NNT: variants seen among roughly 807,000 people sequenced by gnomAD.
The protein encoded by NNT is nicotinamide nucleotide transhydrogenase.
In NNT, 50 loss-of-function variants were observed where a neutral mutation model predicts 104.8. The observed-to-expected ratio is 0.48, with a 90% CI of 0.38 to 0.60. The LOEUF is 0.60. Among genes scored for constraint, NNT ranks in the 20% least tolerant of loss-of-function variants. The probability of loss-of-function intolerance (pLI) is 0.00; values close to 1 mark genes in which losing one functional copy is unlikely to be tolerated. For missense variants in NNT, 1,131 were observed against 1,330.7 expected (o/e 0.85, Z 2.33); for synonymous variants, 461 against 490.4 (o/e 0.94, Z 0.79).
At chr5:43,667,891 C>T (rs1282869774) in intron 17 of NNT, among the ~76,000 whole-genome samples, 1 of 152,148 alleles carries the variant, frequency 6.6e-6, no homozygotes, top group Non-Finnish European at 1.5e-5. Context: ...ACCAACAGTG[C>T]AAAAGTGTTC....
intron 4 of NNT, among the ~76,000 whole-genome samples, chr5:43,616,927 C>A (rs1385411889): frequency 6.6e-6 from 1 of 152,020 alleles, no homozygotes; most frequent in Non-Finnish European, 1.5e-5. Flanking sequence ...ATTAATGAGG[C>A]ACAAAGAAAA....
intron 10 of NNT, among the ~76,000 whole-genome samples, chr5:43,645,837 C>T (rs1739398897): frequency 6.7e-6 from 1 of 150,080 alleles, no homozygotes; most frequent in East Asian, 2.0e-4. Context: ...GCCTCAGCCT[C>T]CCAAGTAGCT....
intron 19 of NNT, among the ~76,000 whole-genome samples, chr5:43,689,473 A>G (rs1742153472): frequency 6.6e-6 from 1 of 152,194 alleles, no homozygotes; most frequent in Non-Finnish European, 1.5e-5. Flanking sequence ...CACCTAAGCC[A>G]ATGTCTAGAA....
In NNT at chr5:43,645,653, A is replaced by C. The variant is rs865854604; in HGVS notation, c.1444+143A>C. 557 of 68,576 alleles carry C rather than the reference A, an allele frequency of 8.1e-3. 8 individuals are homozygous for C. Among genetic ancestry groups the C allele is most frequent in the African/African-American group, 0.028 (425 of 15,220 alleles). The allele number at this position is 68,576 out of a possible 1,614,324, so 4.2% of individuals were successfully genotyped here. The stretch of plus-strand genomic sequence containing the variant: ...TATATATCTACACATCTATCTATCT[A>C]TCTCTCTCTCTCTCTCTCTCTCTCT... On this transcript the variant is annotated intron_variant, in intron 10 of 21. Transcript: ENST00000344920.
chr5:43,609,051 C>T (rs1749365823), intron 1 of NNT, 92 bp from the exon 2 acceptor site: 9 of 599,468 alleles, frequency 1.5e-5, no homozygotes, highest in Middle Eastern at 2.7e-4. Flanking sequence ...ATTTCAAGCT[C>T]TTTAGATTAG....
Position 43,669,726 on chromosome 5 carries a change from A to G in NNT, c.2635-5785A>G, listed in dbSNP as rs529711194. Among the ~76,000 whole-genome samples, 4 of 152,290 alleles carry G rather than the reference A, an allele frequency of 2.6e-5. 1 individual carries two copies. The highest frequency in any genetic ancestry group is 7.2e-5 in the African/African-American group (3 of 41,550). On this transcript the variant is annotated intron_variant, in intron 17 of 21. Transcript: ENST00000344920. ...TTTTGCATCGATGTTCATCGAGGAT[A>G]TTGGTCTAAAATTCTCTTTTTTTGT...
chr5:43,702,101 G>A (rs974565975), intron 20 of NNT, among the ~76,000 whole-genome samples: 1 of 152,056 alleles, frequency 6.6e-6, no homozygotes, highest in Non-Finnish European at 1.5e-5. Flanking sequence ...CTAAGCAGAA[G>A]CTCTTTAGTT....
At chr5:43,677,249 G>A (rs1428742810) in intron 18 of NNT, among the ~76,000 whole-genome samples, 1 of 152,136 alleles carries the variant, frequency 6.6e-6, no homozygotes, top group Admixed American at 6.6e-5. Flanking sequence ...AATGTGAGGG[G>A]CAAAGTTAAA....
intron 20 of NNT, among the ~76,000 whole-genome samples, chr5:43,701,596 G>A (rs759284307): frequency 4.3e-4 from 66 of 152,070 alleles, no homozygotes; most frequent in Non-Finnish European, 8.2e-4. Context: ...GGATATGTAC[G>A]CAGTAGTGGG....
chr5:43,658,182 T>C (rs375430973), intron 16 of NNT, among the ~76,000 whole-genome samples: 3 of 152,110 alleles, frequency 2.0e-5, no homozygotes, highest in African/African-American at 4.8e-5. Context: ...ACTTTAAGAA[T>C]TGTTGTTTTT....
intron 19 of NNT, among the ~76,000 whole-genome samples, chr5:43,695,999 C>T (rs1005705245): frequency 2.6e-5 from 4 of 152,132 alleles, no homozygotes; most frequent in African/African-American, 7.2e-5. Context: ...CAAACTGTAT[C>T]ATCCCACCTC....
At chr5:43,637,904 C>T (rs1013702255) in intron 7 of NNT, among the ~76,000 whole-genome samples, 1 of 152,138 alleles carries the variant, frequency 6.6e-6, no homozygotes, top group Non-Finnish European at 1.5e-5. Context: ...TACCCTTAGG[C>T]CTTCCAGGCC....
At chr5:43,687,162 C>T (rs981006888) in intron 19 of NNT, among the ~76,000 whole-genome samples, 2 of 152,014 alleles carry the variant, frequency 1.3e-5, no homozygotes, top group Non-Finnish European at 2.9e-5. Flanking sequence ...GTCATGTCAA[C>T]CAGTTATGTT....
chr5:43,611,685 C>G (rs1390482890), intron 2 of NNT, among the ~76,000 whole-genome samples: 1 of 152,078 alleles, frequency 6.6e-6, no homozygotes, highest in Non-Finnish European at 1.5e-5. Context: ...TCTCTAAGGT[C>G]TTACTTAATA....
intron 20 of NNT, 129 bp from the exon 21 acceptor site, chr5:43,702,492 C>A: frequency 1.7e-6 from 1 of 573,148 alleles, no homozygotes; most frequent in South Asian, 3.1e-5. Flanking sequence ...TGTAAAGTGC[C>A]TGGCACAAGT....
chr5:43,695,302 G>A (rs901682978), intron 19 of NNT, among the ~76,000 whole-genome samples: 8 of 152,162 alleles, frequency 5.3e-5, no homozygotes, highest in Non-Finnish European at 1.2e-4. Context: ...CTTCCCTGAT[G>A]CGCCTATATG....
intron 17 of NNT, among the ~76,000 whole-genome samples, chr5:43,664,760 A>G (rs115539696): frequency 0.014 from 2,143 of 152,344 alleles, 44 homozygotes; most frequent in African/African-American, 0.044. Context: ...AAAAAGAGAA[A>G]GAACCAAAAC....
At chr5:43,649,686 G>A (rs1285530716) in intron 11 of NNT, among the ~76,000 whole-genome samples, 1 of 151,698 alleles carries the variant, frequency 6.6e-6, no homozygotes, top group East Asian at 1.9e-4. Flanking sequence ...ATTCAACTCA[G>A]CATTCAGCCT....
intron 19 of NNT, among the ~76,000 whole-genome samples, chr5:43,685,415 G>A (rs558105101): frequency 6.6e-6 from 1 of 152,250 alleles, no homozygotes; most frequent in African/African-American, 2.4e-5. Context: ...AACATTTGGA[G>A]TATGGACATA....
Sources: gnomAD v4.1 joint callset for allele counts (sites outside exome capture counted in the v4.1 genomes callset) on GRCh38, gnomAD v4.1.1 for gene constraint, MANE v1.5 for transcripts, NCBI Gene and HGNC (gene_info 2026-07-23, HGNC 2026-07-21) for gene names.